C9orf72: variants seen among roughly 807,000 people sequenced by gnomAD.
The protein encoded by C9orf72 is C9orf72-SMCR8 complex subunit, also known as guanine nucleotide exchange factor C9orf72.
C9orf72 carries 44 observed loss-of-function variants against 51.6 expected under a neutral mutation model. That is an observed-to-expected ratio of 0.85 (90% CI 0.67 to 1.10). The LOEUF (loss-of-function observed/expected upper bound fraction) is 1.10, where lower values mean the gene tolerates loss of function less well. C9orf72 is among the 50% of genes least tolerant of loss of function. The pLI is 0.00. For synonymous variants in C9orf72, 213 were observed against 194.2 expected, an observed-to-expected ratio of 1.10 and a Z score of -0.81; for missense variants, 607 against 570.6, an observed-to-expected ratio of 1.06 and a Z score of -0.65.
chr9:27,568,678 A>T (rs995169916), intron 1 of C9orf72, among the ~76,000 whole-genome samples: 24 of 152,238 alleles, frequency 1.6e-4, no homozygotes, highest in African/African-American at 4.8e-4. Flanking sequence ...GTGACACTGT[A>T]ACCATCATAA....
rs1820822674 is a variant in C9orf72, at chr9:27,548,435, G to GGAAAA, written c.1260-14_1260-13insTTTTC. On this transcript the variant is annotated splice_polypyrimidine_tract_variant and intron_variant, in intron 10 of 10. Coordinates refer to ENST00000380003, the MANE Select transcript of C9orf72 (RefSeq NM_018325.5). The stretch of plus-strand genomic sequence containing the variant: ...TTTTCCCTTCTGCCTAAAAATAATG[G>GGAAAA]AAAAAAAAAAAAAAAAAAAAAAAAA... 2 of 174,270 alleles carry GGAAAA rather than the reference G, an allele frequency of 1.1e-5. No homozygotes were observed. Among genetic ancestry groups the GGAAAA allele is most frequent in the Non-Finnish European group, 1.8e-5 (2 of 109,054 alleles). 10.8% of individuals were successfully genotyped at this position (174,270 alleles called of 1,614,324 possible).
chr9:27,558,892 C>A, intron 6 of C9orf72: 1 of 229,352 alleles, frequency 4.4e-6, no homozygotes, highest in Non-Finnish European at 8.5e-6. Flanking sequence ...ATATCATCTG[C>A]AGACTTTCTC....
intron 8 of C9orf72, among the ~76,000 whole-genome samples, chr9:27,555,907 C>G (rs1030882242): frequency 1.3e-5 from 2 of 151,714 alleles, no homozygotes; most frequent in African/African-American, 4.8e-5. Flanking sequence ...TAATTCTTTT[C>G]CTGATTTCAG....
At chr9:27,567,486 G>A (rs1046891628) in intron 1 of C9orf72, among the ~76,000 whole-genome samples, 5 of 152,168 alleles carry the variant, frequency 3.3e-5, no homozygotes, top group Non-Finnish European at 5.9e-5. Flanking sequence ...TAGACCCGCA[G>A]TATTCCCAAA....
chr9:27,560,960 TAGCTATG>T, intron 5 of C9orf72: 1 of 206,688 alleles, frequency 4.8e-6, no homozygotes, highest in Non-Finnish European at 8.5e-6. Context: ...TAGGAAATGT[TAGCTATG>T]AGCTATTATT....
Position 27,560,656 on chromosome 9 carries a change from G to A in C9orf72, c.666-357C>T, listed in dbSNP as rs751133312. ...GATTTAAAATGATGTATGAAAGGCT[G>A]ACACTGAACAGATACAGGACTAAAG... On this transcript the variant is annotated intron_variant, in intron 5 of 10. Transcript: ENST00000380003. 391 of 1,007,102 alleles carry A rather than the reference G, an allele frequency of 3.9e-4. 1 individual carries two copies. Among genetic ancestry groups the A allele is most frequent in the Non-Finnish European group, 4.4e-4 (374 of 842,148 alleles). 62.4% of individuals were successfully genotyped at this position (1,007,102 alleles called of 1,614,324 possible).
At chr9:27,566,395 AG>A (rs1409985743) in intron 2 of C9orf72, among the ~76,000 whole-genome samples, 3 of 152,186 alleles carry the variant, frequency 2.0e-5, no homozygotes, top group Non-Finnish European at 1.5e-5. Flanking sequence ...TTAGAGTCAA[AG>A]GCTCCCAAGA....
Position 27,567,022 on chromosome 9 carries a change from C to T in C9orf72, c.99G>A (p.Trp33Ter), listed in dbSNP as rs1271940652. The change falls in exon 2 of 11, where the codon TGG becomes TGA. Residue 33 changes from tryptophan (W) to a stop codon, truncating the protein, a stop_gained. Coordinates refer to ENST00000380003, the MANE Select transcript of C9orf72 (RefSeq NM_018325.5). LOFTEE classifies it high-confidence loss of function. The part of the protein sequence containing the change: ...SPLLAATFAY[W>*]DNILGPRVRH... ...TTACTCTAGGACCAAGAATATTGTCCCAGTAAGCAAAAGTAGCTGCTAATA... is the reference window on the plus strand; with the variant it reads ...TTACTCTAGGACCAAGAATATTGTCTCAGTAAGCAAAAGTAGCTGCTAATA... 6.2e-7 allele frequency: 1 copy of T among 1,613,990 alleles called. No homozygotes were observed. Among genetic ancestry groups the T allele is most frequent in the Admixed American group, 1.7e-5 (1 of 60,020 alleles).
chr9:27,563,152 C>T (rs926914394), intron 3 of C9orf72, among the ~76,000 whole-genome samples: 1 of 152,154 alleles, frequency 6.6e-6, no homozygotes, highest in African/African-American at 2.4e-5. Context: ...TACCTAACCT[C>T]CATACTCATA....
At chr9:27,566,022 G>A (rs1819459995) in intron 2 of C9orf72, among the ~76,000 whole-genome samples, 1 of 152,076 alleles carries the variant, frequency 6.6e-6, no homozygotes, top group South Asian at 2.1e-4. Flanking sequence ...TTACTATTGG[G>A]CAAAAGCCTT....
chr9:27,569,910 T>C (rs1819548997), intron 1 of C9orf72, among the ~76,000 whole-genome samples: 1 of 152,226 alleles, frequency 6.6e-6, no homozygotes, highest in Non-Finnish European at 1.5e-5. Flanking sequence ...TTCATCCACA[T>C]CTTGTCAAGA....
At position 27,548,438 on chromosome 9, in the gene C9orf72, A is replaced by G. The variant is rs1408403717; in HGVS notation, c.1260-16T>C. ...TCCCTTCTGCCTAAAAATAATGGAA[A>G]AAAAAAAAAAAAAAAAAAAAAAAGA... On this transcript the variant is annotated splice_polypyrimidine_tract_variant and intron_variant, in intron 10 of 10. Transcript: ENST00000380003. 12 of 448,262 alleles carry G rather than the reference A, an allele frequency of 2.7e-5. No individual in the cohort carries two copies. The highest frequency in any genetic ancestry group is 2.4e-4 in the East Asian group (1 of 4,222). 27.8% of individuals were successfully genotyped at this position (448,262 alleles called of 1,614,324 possible). A position where few individuals can be genotyped will look rare whatever the true frequency, so the allele number is the denominator to read the frequency against.
chr9:27,571,617 G>A (rs1048646779), intron 1 of C9orf72, among the ~76,000 whole-genome samples: 2 of 152,018 alleles, frequency 1.3e-5, no homozygotes, highest in Non-Finnish European at 2.9e-5. Context: ...CACCACGCCC[G>A]GCTAAGTTTT....
intron 3 of C9orf72, 43 bp downstream of exon 3, chr9:27,565,488 A>C (rs1207651344): frequency 1.5e-6 from 2 of 1,291,386 alleles, no homozygotes; most frequent in South Asian, 1.2e-5. Context: ...ATACAGATAC[A>C]TGCTGTGAGA....
intron 1 of C9orf72, among the ~76,000 whole-genome samples, chr9:27,572,906 A>C (rs1819618906): frequency 1.3e-5 from 2 of 152,202 alleles, no homozygotes; most frequent in Non-Finnish European, 2.9e-5. Context: ...TATGCAAGTC[A>C]TCACCACTCT....
Position 27,558,514 on chromosome 9 carries a change from G to A in C9orf72, c.832C>T (p.Leu278Phe). The A allele has an allele frequency of 3.1e-6, 5 of 1,598,742 alleles. No individual in the cohort carries two copies. Among genetic ancestry groups the A allele is most frequent in the Non-Finnish European group, 4.3e-6 (5 of 1,170,322 alleles). Residue 278 changes from leucine to phenylalanine, a missense_variant, in exon 7 of 11, where the codon CTC becomes TTC. By Grantham distance (22) the Leu-to-Phe change is conservative. Coordinates refer to ENST00000380003, the MANE Select transcript of C9orf72 (RefSeq NM_018325.5). ...AESSFKYESG[L>F]FVQGLLKDST... The stretch of plus-strand genomic sequence containing the variant: ...ACCTTTAGCAGGCCTTGTACAAAGA[G>A]CCCTGACTCATATTTAAATGATGAT...
intron 1 of C9orf72, among the ~76,000 whole-genome samples, chr9:27,569,494 C>T (rs558684589): frequency 6.6e-6 from 1 of 152,302 alleles, no homozygotes; most frequent in South Asian, 2.1e-4. Context: ...ATATTTACCA[C>T]TGTGTTACAA....
At chr9:27,560,475 A>G in intron 5 of C9orf72, 176 bp from the exon 6 acceptor site, 1 of 603,740 alleles carries the variant, frequency 1.7e-6, no homozygotes, top group Non-Finnish European at 2.6e-6. Flanking sequence ...TTTTCTAGAG[A>G]CCTTTCACAG....
intron 1 of C9orf72, among the ~76,000 whole-genome samples, chr9:27,570,875 AAAACAAAC>A (rs36017241): frequency 2.0e-5 from 3 of 151,532 alleles, no homozygotes; most frequent in South Asian, 2.1e-4. Context: ...CCTCAAGAAA[AAAACAAAC>A]AAACAAACAA....
Sources: gnomAD v4.1 joint callset for allele counts (sites outside exome capture counted in the v4.1 genomes callset) on GRCh38, gnomAD v4.1.1 for gene constraint, MANE v1.5 for transcripts, NCBI Gene and HGNC (gene_info 2026-07-23, HGNC 2026-07-21) for gene names.